COX11: variants seen among roughly 807,000 people sequenced by gnomAD.
The protein encoded by COX11 is cytochrome c oxidase copper chaperone COX11.
Under a neutral mutation model 29.4 loss-of-function variants are expected in COX11, and 18 were observed. The observed-to-expected ratio is 0.61, with a 90% CI of 0.42 to 0.91. The LOEUF (loss-of-function observed/expected upper bound fraction) is 0.91, where lower values mean the gene tolerates loss of function less well. Ranked by LOEUF, COX11 falls within the 40% of genes least tolerant of loss-of-function variation. The pLI, the probability that COX11 is intolerant of heterozygous loss-of-function variation, is 0.00. For missense variants in COX11, 312 were observed against 346.0 expected (o/e 0.90, Z 0.78); for synonymous variants, 131 against 124.0 (o/e 1.06, Z -0.38).
chr17:54,968,739 C>T (rs1309987212), upstream of COX11: 9 of 1,434,066 alleles, frequency 6.3e-6, no homozygotes, highest in East Asian at 2.3e-5. Flanking sequence ...GTTGAGCCTG[C>T]CGCTGCCTTG....
chr17:54,966,747 T>C (rs1173911758), intron 1 of COX11, among the ~76,000 whole-genome samples: 2 of 152,250 alleles, frequency 1.3e-5, no homozygotes, highest in African/African-American at 2.4e-5. Flanking sequence ...GCTTGGTCTC[T>C]GATGAAAAGT....
At position 54,961,388 on chromosome 17, in the gene COX11, C is replaced by T; in HGVS notation, c.*1345G>A. 2 of 1,548,414 alleles carry T rather than the reference C, an allele frequency of 1.3e-6. No individual in the cohort carries two copies. Among genetic ancestry groups the T allele is most frequent in the South Asian group, 2.4e-5 (2 of 83,848 alleles). On this transcript the variant is annotated 3_prime_UTR_variant, in exon 4 of 4. Coordinates refer to ENST00000299335, the MANE Select transcript of COX11 (RefSeq NM_004375.5). ...CTATAATGAAGATTAAATAGAATAA[C>T]AGTTCCAGGATAACACTGATTCCTG...
downstream of COX11, chr17:54,958,421 T>C (rs1449577556): frequency 4.6e-5 from 7 of 152,316 alleles, no homozygotes; most frequent in East Asian, 3.9e-4. Flanking sequence ...AGAACTTAAA[T>C]ATGAAGCAGT....
At position 54,960,591 on chromosome 17, in the gene COX11, C is replaced by T; in HGVS notation, c.*2142G>A. 1 of 1,613,182 alleles carries T rather than the reference C, an allele frequency of 6.2e-7. No homozygotes were observed. ...AGCTATTTATGAAGAAATTGATGCTCACCAGCACAAAGGAGCTCAAAATGA... is the reference window on the plus strand; with the variant it reads ...AGCTATTTATGAAGAAATTGATGCTTACCAGCACAAAGGAGCTCAAAATGA... On this transcript the variant is annotated 3_prime_UTR_variant, in exon 4 of 4. Transcript: ENST00000299335.
chr17:54,956,850 G>A (rs1263059827), downstream of COX11: 1 of 152,228 alleles, frequency 6.6e-6, no homozygotes, highest in African/African-American at 2.4e-5. Context: ...GGGTGATAGA[G>A]AGGGAAGAGG....
intron 1 of COX11, among the ~76,000 whole-genome samples, chr17:54,965,258 T>C (rs967447505): frequency 1.3e-5 from 2 of 152,226 alleles, no homozygotes; most frequent in African/African-American, 4.8e-5. Flanking sequence ...CCACTGAAAA[T>C]ACTTAACTCA....
At chr17:54,968,690 T>C (rs754695422), upstream of COX11, 5 of 1,576,424 alleles carry the variant, frequency 3.2e-6, no homozygotes, top group African/African-American at 1.4e-5. Context: ...GGACGAGAGG[T>C]CAAATCTCGC....
intron 1 of COX11, among the ~76,000 whole-genome samples, chr17:54,967,248 T>A (rs925222226): frequency 1.1e-4 from 17 of 152,208 alleles, no homozygotes; most frequent in African/African-American, 4.1e-4. Flanking sequence ...GCTGTCCAGG[T>A]GATTCCCAAT....
downstream of COX11, chr17:54,958,150 A>C (rs1352500509): frequency 1.3e-5 from 2 of 152,256 alleles, no homozygotes; most frequent in African/African-American, 4.8e-5. Flanking sequence ...TAAAACCAAG[A>C]GTAAAGAAAG....
At chr17:54,957,415 G>GT (rs1342870328), downstream of COX11, 1 of 152,098 alleles carries the variant, frequency 6.6e-6, no homozygotes, top group African/African-American at 2.4e-5. Flanking sequence ...TTCTAGAAAC[G>GT]TTTTTTTAAT....
chr17:54,955,789 C>T (rs973002537), downstream of COX11, among the ~76,000 whole-genome samples: 1 of 152,194 alleles, frequency 6.6e-6, no homozygotes, highest in East Asian at 1.9e-4. Context: ...TGATCAAAAC[C>T]CAGACCACTC....
intron 1 of COX11, among the ~76,000 whole-genome samples, chr17:54,967,996 C>CT (rs66732337): frequency 0.3 from 36,880 of 124,216 alleles, 6,318 homozygotes; most frequent in South Asian, 0.33. Flanking sequence ...GGCTGCGGAC[C>CT]TTTTTTTTTT....
In COX11 at chr17:54,960,824, T is replaced by C. The variant is rs1412776688; in HGVS notation, c.*1909A>G. On this transcript the variant is annotated 3_prime_UTR_variant, in exon 4 of 4. Transcript: ENST00000299335. ...AGTCATTCTTTGTGATTTTCTCATC[T>C]GTAAATAGTAAGGCTTGGGAATACA... 6.6e-6 allele frequency among the ~76,000 whole-genome samples: 1 copy of C among 152,234 alleles called. No homozygotes were observed. The highest frequency in any genetic ancestry group is 6.5e-5 in the Admixed American group (1 of 15,286).
At chr17:54,963,261 T>A (rs2077162062) in intron 3 of COX11, 45 bp downstream of exon 3, 3 of 1,573,026 alleles carry the variant, frequency 1.9e-6, no homozygotes, top group Non-Finnish European at 2.6e-6. Flanking sequence ...CTAAACCGTT[T>A]CATGTATCTT....
Position 54,967,626 on chromosome 17 carries a change from C to T in COX11, c.366+655G>A, listed in dbSNP as rs2077270033. On this transcript the variant is annotated intron_variant, in intron 1 of 3. Transcript: ENST00000299335. ...CCCACCCCGTGTTTCTGACTCAGTC[C>T]TGGAGTCGGGCCCTAGAATTTGCAC... is the stretch of plus-strand genomic sequence containing the variant. Among the ~76,000 whole-genome samples, 8 of 139,612 alleles carry T rather than the reference C, an allele frequency of 5.7e-5. No individual in the cohort carries two copies. In the Admixed American group the frequency reaches 5.9e-4, roughly 10 times the overall value. The allele number at this position is 139,612 out of a possible 152,430, so 91.6% of individuals were successfully genotyped here.
In COX11 at chr17:54,968,271, CG is replaced by C. The variant is rs141508647; in HGVS notation, c.366+9del. Reference sequence around the variant, plus strand: ...GTCTGCGCCACCCTGCGGGCGGCGCCGGCCCCTACCTGGCAATAGAGCCGAT... The same window carrying C: ...GTCTGCGCCACCCTGCGGGCGGCGCCGCCCCTACCTGGCAATAGAGCCGAT... On this transcript the variant is annotated intron_variant, in intron 1 of 3. Coordinates refer to ENST00000299335, the MANE Select transcript of COX11 (RefSeq NM_004375.5). 3.9e-3 allele frequency: 6,343 copies of C among 1,606,434 alleles called. 222 individuals are homozygous for C. The African/African-American group carries it at 0.076, about 19-fold the overall frequency.
At position 54,960,429 on chromosome 17, in the gene COX11, C is replaced by T; in HGVS notation, c.*2304G>A. On this transcript the variant is annotated 3_prime_UTR_variant, in exon 4 of 4. Coordinates refer to ENST00000299335, the MANE Select transcript of COX11 (RefSeq NM_004375.5). Reference sequence around the variant, plus strand: ...ATAAACTAGAATACACACTTCAGGGCAGAGACTTATTTTTACTCATATGTA... The same window carrying T: ...ATAAACTAGAATACACACTTCAGGGTAGAGACTTATTTTTACTCATATGTA... 1 of 658,060 alleles carries T rather than the reference C, an allele frequency of 1.5e-6. No homozygotes were observed. Among genetic ancestry groups the T allele is most frequent in the South Asian group, 1.8e-5 (1 of 55,072 alleles). 40.8% of individuals were successfully genotyped at this position (658,060 alleles called of 1,614,324 possible).
chr17:54,960,532 A>G lies in COX11; in HGVS notation c.*2201T>C. 1 of 1,581,914 alleles carries G rather than the reference A, an allele frequency of 6.3e-7. No individual in the cohort carries two copies. The highest frequency in any genetic ancestry group is 8.7e-7 in the Non-Finnish European group (1 of 1,151,908). On this transcript the variant is annotated 3_prime_UTR_variant, in exon 4 of 4. Coordinates refer to ENST00000299335, the MANE Select transcript of COX11 (RefSeq NM_004375.5). The stretch of plus-strand genomic sequence containing the variant: ...ACCAAAATAGCACTTTGAAATTGAT[A>G]CATAACCCTTTTGCTGTGATGGCTT...
chr17:54,958,629 G>T (rs1177269151), downstream of COX11, among the ~76,000 whole-genome samples: 2 of 151,606 alleles, frequency 1.3e-5, no homozygotes, highest in African/African-American at 2.4e-5. Flanking sequence ...TATTCGGGAG[G>T]ATGAATAGGA....
Sources: allele counts gnomAD v4.1 joint callset (sites outside exome capture counted in the v4.1 genomes callset), GRCh38; gene constraint gnomAD v4.1.1; transcripts MANE v1.5; gene names NCBI Gene and HGNC (gene_info 2026-07-23, HGNC 2026-07-21).